The following FBXO38 variants were observed in gnomAD, a reference collection of about 807,000 sequenced individuals.
FBXO38 encodes F-box protein 38.
In FBXO38, 53 loss-of-function variants were observed where a neutral mutation model predicts 131.9. The observed-to-expected ratio is 0.40, with a 90% confidence interval of 0.32 to 0.51. FBXO38 has a LOEUF of 0.51. FBXO38 is among the 20% of genes least tolerant of loss of function. The pLI is 0.53. For missense variants in FBXO38, 1,076 were observed against 1,475.6 expected, an observed-to-expected ratio of 0.73 and a Z score of 4.44; for synonymous variants, 452 against 505.6, an observed-to-expected ratio of 0.89 and a Z score of 1.42.
intron 1 of FBXO38, among the ~76,000 whole-genome samples, chr5:148,386,884 C>T (rs528933514): frequency 7.2e-5 from 11 of 151,972 alleles, no homozygotes; most frequent in African/African-American, 1.9e-4. Flanking sequence ...GTAATGTATA[C>T]GCCATAATTT....
chr5:148,386,826 T>A (rs1356204997), intron 1 of FBXO38, among the ~76,000 whole-genome samples: 1 of 152,246 alleles, frequency 6.6e-6, no homozygotes, highest in Non-Finnish European at 1.5e-5. Flanking sequence ...AAGTTATATT[T>A]TACAATGTAG....
intron 13 of FBXO38, 122 bp downstream of exon 13, chr5:148,424,239 T>G: frequency 1.1e-6 from 1 of 948,516 alleles, no homozygotes; most frequent in Non-Finnish European, 1.6e-6. Context: ...TTTTATGCTA[T>G]TGATTACTGA....
At chr5:148,387,629 T>G (rs1387580250) in intron 1 of FBXO38, among the ~76,000 whole-genome samples, 1 of 152,172 alleles carries the variant, frequency 6.6e-6, no homozygotes, top group East Asian at 1.9e-4. Flanking sequence ...TGAATTTAGT[T>G]TGCCCATATC....
chr5:148,422,610 ATAC>A (rs1169290463), intron 12 of FBXO38, among the ~76,000 whole-genome samples: 1 of 152,214 alleles, frequency 6.6e-6, no homozygotes, highest in African/African-American at 2.4e-5. Context: ...GCTCCAAGGA[ATAC>A]TAACAAATTG....
At chr5:148,431,582 AC>A (rs1163128170) in intron 15 of FBXO38, among the ~76,000 whole-genome samples, 2 of 152,224 alleles carry the variant, frequency 1.3e-5, no homozygotes, top group African/African-American at 2.4e-5. Context: ...TGTAGTGGAA[AC>A]AGGCTTGCTT....
intron 11 of FBXO38, 49 bp downstream of exon 11, chr5:148,416,119 T>C (rs757174535): frequency 3.4e-6 from 5 of 1,454,572 alleles, no homozygotes; most frequent in Non-Finnish European, 2.7e-6. Flanking sequence ...GGAAAGAAAA[T>C]AAAAACAGCC....
At chr5:148,406,880 G>A (rs754492769) in intron 7 of FBXO38, among the ~76,000 whole-genome samples, 11 of 152,204 alleles carry the variant, frequency 7.2e-5, no homozygotes, top group Non-Finnish European at 1.2e-4. Flanking sequence ...AAAGAAAAAA[G>A]TTGTTCTGTG....
At chr5:148,399,448 C>A (rs1049543477) in intron 3 of FBXO38, 1 of 211,342 alleles carries the variant, frequency 4.7e-6, no homozygotes, top group Non-Finnish European at 9.4e-6. Flanking sequence ...CACTGTGTGT[C>A]CTTTACTGTC....
rs1312587426 is a variant in FBXO38, at chr5:148,400,059, G to A, written c.262+927G>A. Among the ~76,000 whole-genome samples the A allele has an allele frequency of 3.3e-5, 5 of 152,116 alleles. No homozygotes were observed. The East Asian group carries it at 9.7e-4, about 29-fold the overall frequency. ...GTGGATGCTGCATCCTTTCAAGAGA[G>A]TCATCAAATCAGTTGGTAACTCTTA... On this transcript the variant is annotated intron_variant, in intron 3 of 21. Transcript: ENST00000340253.
At position 148,425,709 on chromosome 5, in the gene FBXO38, A is replaced by G. The variant is rs1345887964; in HGVS notation, c.1918+8A>G. On this transcript the variant is annotated splice_region_variant and intron_variant, in intron 14 of 21. Coordinates refer to ENST00000340253, the MANE Select transcript of FBXO38 (RefSeq NM_205836.3). ...AGTCCAGAGAATTGTCAGGTGAGAA[A>G]TTGTCTTTCTCTGAACTATTAATGA... 4 of 1,611,382 alleles carry G rather than the reference A, an allele frequency of 2.5e-6. No individual in the cohort carries two copies. Among genetic ancestry groups the G allele is most frequent in the South Asian group, 2.2e-5 (2 of 90,716 alleles).
At chr5:148,437,275 A>G (rs893144316) in intron 17 of FBXO38, among the ~76,000 whole-genome samples, 10 of 152,368 alleles carry the variant, frequency 6.6e-5, no homozygotes, top group African/African-American at 2.4e-4. Flanking sequence ...ATTAAATGAG[A>G]TTAGAACTGA....
In FBXO38 at chr5:148,416,993, G is replaced by A; in HGVS notation, c.1408-1G>A. ...ACGTATGTGTTTTGGTTTTGCCTTA[G>A]GGTTGTGCTCGAGTTGGTCTGAGTG... On this transcript the variant is annotated splice_acceptor_variant, in intron 11 of 21. Coordinates refer to ENST00000340253, the MANE Select transcript of FBXO38 (RefSeq NM_205836.3). LOFTEE classifies it high-confidence loss of function. 6.2e-7 allele frequency: 1 copy of A among 1,612,662 alleles called. No homozygotes were observed. The highest frequency in any genetic ancestry group is 8.5e-7 in the Non-Finnish European group (1 of 1,178,780).
intron 1 of FBXO38, among the ~76,000 whole-genome samples, chr5:148,386,932 C>T (rs1421130146): frequency 6.6e-6 from 1 of 151,668 alleles, no homozygotes; most frequent in Non-Finnish European, 1.5e-5. Flanking sequence ...AACAATTAAT[C>T]TGAGCCTTCA....
intron 15 of FBXO38, among the ~76,000 whole-genome samples, chr5:148,432,586 G>A (rs1754097183): frequency 6.6e-6 from 1 of 152,146 alleles, no homozygotes; most frequent in African/African-American, 2.4e-5. Flanking sequence ...GAGTTAATAC[G>A]AGTAAAACCC....
At chr5:148,420,873 G>T (rs767024637) in intron 12 of FBXO38, among the ~76,000 whole-genome samples, 8 of 151,928 alleles carry the variant, frequency 5.3e-5, no homozygotes, top group African/African-American at 7.2e-5. Flanking sequence ...TGCCCAGGCG[G>T]TCTCAACTCC....
intron 6 of FBXO38, 138 bp downstream of exon 6, chr5:148,404,960 A>T: frequency 1.4e-6 from 1 of 718,206 alleles, no homozygotes; most frequent in Non-Finnish European, 2.0e-6. Flanking sequence ...TCTTGTGAAG[A>T]TAAATGTACT....
At chr5:148,416,352 T>G (rs1378067415) in intron 11 of FBXO38, among the ~76,000 whole-genome samples, 1 of 152,116 alleles carries the variant, frequency 6.6e-6, no homozygotes, top group African/African-American at 2.4e-5. Flanking sequence ...AGGCTGGAAA[T>G]TTAAGACAGA....
In FBXO38 at chr5:148,442,269, G is replaced by A; in HGVS notation, c.*122G>A. 1 of 758,202 alleles carries A rather than the reference G, an allele frequency of 1.3e-6. No homozygotes were observed. The highest frequency in any genetic ancestry group is 2.2e-6 in the Non-Finnish European group (1 of 464,560). The allele number at this position is 758,202 out of a possible 1,614,324, so 47.0% of individuals were successfully genotyped here. ...GGTCCTGGCTCGGTTTGCTATATAG[G>A]GAATATATAAGGAACATCGAAATTG... is the stretch of plus-strand genomic sequence containing the variant. On this transcript the variant is annotated 3_prime_UTR_variant, in exon 22 of 22. Transcript: ENST00000340253.
At chr5:148,420,247 C>T (rs751807860) in intron 12 of FBXO38, among the ~76,000 whole-genome samples, 14 of 151,676 alleles carry the variant, frequency 9.2e-5, no homozygotes, top group African/African-American at 2.4e-4. Context: ...CTCAGCCTCC[C>T]GAGTAGCTGG....
Sources: gnomAD v4.1 joint callset for allele counts (sites outside exome capture counted in the v4.1 genomes callset) on GRCh38, gnomAD v4.1.1 for gene constraint, MANE v1.5 for transcripts, NCBI Gene and HGNC (gene_info 2026-07-23, HGNC 2026-07-21) for gene names.